The following LRSAM1 variants were observed in gnomAD, a reference collection of about 807,000 sequenced individuals.
LRSAM1 encodes leucine rich repeat and sterile alpha motif containing 1.
Under a neutral mutation model 118.1 loss-of-function variants are expected in LRSAM1, and 96 were observed. That is an observed-to-expected ratio of 0.81 (90% CI 0.69 to 0.96). The LOEUF (loss-of-function observed/expected upper bound fraction) is 0.96, where lower values mean the gene tolerates loss of function less well. Ranked by LOEUF, LRSAM1 falls within the 40% of genes least tolerant of loss-of-function variation. The pLI is 0.00. For synonymous variants in LRSAM1, 322 were observed against 364.2 expected, an observed-to-expected ratio of 0.88 and a Z score of 1.32; for missense variants, 804 against 915.5, an observed-to-expected ratio of 0.88 and a Z score of 1.57.
In LRSAM1 at chr9:127,492,904, G is replaced by A. The variant is rs766122528; in HGVS notation, c.1599+7G>A. 1.9e-6 allele frequency: 3 copies of A among 1,613,400 alleles called. No individual in the cohort carries two copies. Among genetic ancestry groups the A allele is most frequent in the East Asian group, 2.2e-5 (1 of 44,888 alleles). On this transcript the variant is annotated splice_region_variant and intron_variant, in intron 21 of 25. Coordinates refer to ENST00000300417, the MANE Select transcript of LRSAM1 (RefSeq NM_001005373.4). ...AGAGCTCCGGGAAATCCTGGTATGTGTTTGGCTTCTGTGCTCAGCATCACA... is the reference window on the plus strand; with the variant it reads ...AGAGCTCCGGGAAATCCTGGTATGTATTTGGCTTCTGTGCTCAGCATCACA...
chr9:127,466,492 A>G (rs1167553737), intron 9 of LRSAM1, among the ~76,000 whole-genome samples: 1 of 13,412 alleles, frequency 7.5e-5, no homozygotes, highest in South Asian at 1.6e-3. Flanking sequence ...ATATATATAT[A>G]TATATATATA....
intron 9 of LRSAM1, among the ~76,000 whole-genome samples, chr9:127,466,809 C>T (rs1285227574): frequency 6.6e-6 from 1 of 151,810 alleles, no homozygotes; most frequent in African/African-American, 2.4e-5. Context: ...GACTTTGAGA[C>T]TAGCCTGGGT....
At position 127,479,368 on chromosome 9, in the gene LRSAM1, A is replaced by G; in HGVS notation, c.781-15A>G. 2.5e-6 allele frequency: 4 copies of G among 1,614,092 alleles called. No individual in the cohort carries two copies. Among genetic ancestry groups the G allele is most frequent in the South Asian group, 2.2e-5 (2 of 91,054 alleles). The stretch of plus-strand genomic sequence containing the variant: ...AGGGCCTGTGCTGACAGTCACCAGG[A>G]TCTGTGTCTTGCAGGAACAGAAGAT... On this transcript the variant is annotated splice_polypyrimidine_tract_variant and intron_variant, in intron 12 of 25. Transcript: ENST00000300417.
chr9:127,457,838 A>G (rs191362421), intron 6 of LRSAM1, among the ~76,000 whole-genome samples: 1 of 152,260 alleles, frequency 6.6e-6, no homozygotes, highest in Admixed American at 6.5e-5. Flanking sequence ...GGAGAGTGAT[A>G]TGCACCTTCA....
intron 15 of LRSAM1, among the ~76,000 whole-genome samples, chr9:127,482,268 G>A (rs544025756): frequency 6.7e-6 from 1 of 150,328 alleles, no homozygotes; most frequent in African/African-American, 2.4e-5. Flanking sequence ...TCAGCATCCC[G>A]AGTAGCTGGG....
chr9:127,466,498 ATATATATTT>A (rs1834941815), intron 9 of LRSAM1, among the ~76,000 whole-genome samples: 2 of 19,692 alleles, frequency 1.0e-4, no homozygotes, highest in African/African-American at 4.4e-4. Context: ...ATATATATAT[ATATATATTT>A]TTTTTTTTTT....
At chr9:127,484,521 C>T (rs1439826461) in intron 16 of LRSAM1, among the ~76,000 whole-genome samples, 5 of 151,618 alleles carry the variant, frequency 3.3e-5, no homozygotes, top group African/African-American at 7.3e-5. Context: ...TGCCACCTCA[C>T]CTGGCTAATT....
intron 6 of LRSAM1, among the ~76,000 whole-genome samples, chr9:127,458,730 T>TAAATATGTAAG (rs1241743159): frequency 6.6e-6 from 1 of 152,236 alleles, no homozygotes; most frequent in Non-Finnish European, 1.5e-5. Context: ...AATGGAGTGT[T>TAAATATGTAAG]TCTTTTTAAC....
intron 7 of LRSAM1, among the ~76,000 whole-genome samples, chr9:127,459,354 G>A (rs1050552334): frequency 1.3e-5 from 2 of 151,834 alleles, no homozygotes; most frequent in Admixed American, 1.3e-4. Flanking sequence ...TAGTAGCTGG[G>A]ATTACAGGTG....
intron 10 of LRSAM1, among the ~76,000 whole-genome samples, chr9:127,473,333 T>C (rs1345828997): frequency 6.6e-6 from 1 of 152,182 alleles, no homozygotes; most frequent in Non-Finnish European, 1.5e-5. Context: ...AACTACAATA[T>C]ATAAAGAGCA....
At chr9:127,471,798 A>G (rs1373170520) in intron 10 of LRSAM1, among the ~76,000 whole-genome samples, 7 of 151,882 alleles carry the variant, frequency 4.6e-5, no homozygotes, top group Admixed American at 1.3e-4. Context: ...AAAAAAAAGA[A>G]AAAAGAACAA....
chr9:127,457,453 G>A, intron 6 of LRSAM1, 60 bp downstream of exon 6: 2 of 1,535,608 alleles, frequency 1.3e-6, no homozygotes, highest in Non-Finnish European at 1.8e-6. Flanking sequence ...CGGCAGCTGA[G>A]CGCCTGCTCC....
intron 19 of LRSAM1, among the ~76,000 whole-genome samples, chr9:127,489,983 G>A (rs1236835329): frequency 2.0e-5 from 3 of 152,178 alleles, no homozygotes; most frequent in Non-Finnish European, 2.9e-5. Flanking sequence ...TGGTCCTGAC[G>A]CCTGCTGAAA....
At chr9:127,488,086 G>T (rs940367836) in intron 18 of LRSAM1, among the ~76,000 whole-genome samples, 2 of 152,070 alleles carry the variant, frequency 1.3e-5, no homozygotes, top group Admixed American at 6.6e-5. Context: ...GGAGGTCAGG[G>T]CACAGAGGAC....
Position 127,467,830 on chromosome 9 carries a change from G to C in LRSAM1, c.619G>C (p.Glu207Gln). ...GGCCATCTTGCAGTTCCTCTGCAAA[G>C]GTAAAGCCAGGCCGCTGCCTCCTCC... ...TAAILQFLCKESGLEYYPPSQ... is the reference protein window; with the variant it reads ...TAAILQFLCKQSGLEYYPPSQ... Residue 207 changes from glutamate (E) to glutamine (Q), a missense_variant and splice_region_variant, in exon 10 of 26, where the codon GAG becomes CAG. Glu to Gln is a conservative substitution (Grantham distance 29). Coordinates refer to ENST00000300417, the MANE Select transcript of LRSAM1 (RefSeq NM_001005373.4). 6.3e-7 allele frequency: 1 copy of C among 1,585,148 alleles called. No individual in the cohort carries two copies. Among genetic ancestry groups the C allele is most frequent in the Non-Finnish European group, 8.6e-7 (1 of 1,167,946 alleles).
At chr9:127,463,324 G>A (rs1194224233) in intron 9 of LRSAM1, among the ~76,000 whole-genome samples, 2 of 152,080 alleles carry the variant, frequency 1.3e-5, no homozygotes, top group African/African-American at 4.8e-5. Context: ...GTGGTTGGAA[G>A]CTGCTGAGCT....
chr9:127,483,230 G>A (rs545617694), intron 16 of LRSAM1, among the ~76,000 whole-genome samples: 15 of 152,132 alleles, frequency 9.9e-5, no homozygotes, highest in South Asian at 2.1e-4. Context: ...GTGACCTTAG[G>A]GACATTACTG....
chr9:127,462,124 C>A, intron 8 of LRSAM1, 128 bp from the exon 9 acceptor site: 1 of 1,330,912 alleles, frequency 7.5e-7, no homozygotes, highest in Non-Finnish European at 1.0e-6. Flanking sequence ...CCTTCTTGAG[C>A]CTAGGAAACC....
At chr9:127,480,553 C>T (rs1323176820) in intron 14 of LRSAM1, among the ~76,000 whole-genome samples, 1 of 152,222 alleles carries the variant, frequency 6.6e-6, no homozygotes, top group Non-Finnish European at 1.5e-5. Flanking sequence ...ACTCGTTCCT[C>T]CCTCACCTGT....
Sources: allele counts gnomAD v4.1 joint callset (sites outside exome capture counted in the v4.1 genomes callset), GRCh38; gene constraint gnomAD v4.1.1; transcripts MANE v1.5; gene names NCBI Gene and HGNC (gene_info 2026-07-23, HGNC 2026-07-21).